Variants in SCYL3 observed in about 807,000 individuals in gnomAD.
SCYL3 encodes the protein protein-associating with the carboxyl-terminal domain of ezrin.
A neutral mutation model predicts 73.8 loss-of-function variants in SCYL3; 35 were observed. That is an observed-to-expected ratio of 0.47 (90% CI 0.36 to 0.63). SCYL3 has a LOEUF of 0.63. SCYL3 is among the 20% of genes least tolerant of loss of function. The pLI is 0.00. For missense variants in SCYL3, 712 were observed against 798.9 expected (o/e 0.89, Z 1.31); for synonymous variants, 277 against 295.2 (o/e 0.94, Z 0.63).
At chr1:169,859,364 G>A in intron 10 of SCYL3, 152 bp from the exon 11 acceptor site, 1 of 633,932 alleles carries the variant, frequency 1.6e-6, no homozygotes, top group Non-Finnish European at 2.5e-6. Context: ...CAAACTACCT[G>A]TGGTAAAAGA....
At chr1:169,886,318 A>G (rs1661686982) in intron 2 of SCYL3, among the ~76,000 whole-genome samples, 1 of 152,222 alleles carries the variant, frequency 6.6e-6, no homozygotes, top group Admixed American at 6.5e-5. Context: ...CTCAAAAAAA[A>G]AAGTCAGTAT....
At chr1:169,890,437 T>G (rs1176558824) in intron 1 of SCYL3, among the ~76,000 whole-genome samples, 1 of 152,228 alleles carries the variant, frequency 6.6e-6, no homozygotes, top group East Asian at 1.9e-4. Flanking sequence ...CTTTAAAAAT[T>G]TGTTTAAAAT....
At chr1:169,855,555 G>A (rs896132448) in intron 11 of SCYL3, among the ~76,000 whole-genome samples, 3 of 152,152 alleles carry the variant, frequency 2.0e-5, no homozygotes, top group Non-Finnish European at 4.4e-5. Flanking sequence ...GGCAACAAAA[G>A]TCTCAAAGTA....
At chr1:169,860,771 C>T (rs1333111875) in intron 10 of SCYL3, among the ~76,000 whole-genome samples, 2 of 152,222 alleles carry the variant, frequency 1.3e-5, no homozygotes, top group Non-Finnish European at 2.9e-5. Flanking sequence ...ACTACCCCTT[C>T]TGTGTCCCTC....
intron 2 of SCYL3, among the ~76,000 whole-genome samples, chr1:169,880,715 T>C (rs919590305): frequency 6.7e-6 from 1 of 150,276 alleles, no homozygotes; most frequent in Admixed American, 6.6e-5. Flanking sequence ...TCAGGAATGA[T>C]GGAACAGCAT....
chr1:169,877,082 T>G (rs949270202), intron 3 of SCYL3, among the ~76,000 whole-genome samples: 1 of 150,658 alleles, frequency 6.6e-6, no homozygotes, highest in Non-Finnish European at 1.5e-5. Context: ...AAGAACAGGA[T>G]TCAGGTATTT....
intron 2 of SCYL3, among the ~76,000 whole-genome samples, chr1:169,882,896 G>A (rs1277847749): frequency 6.6e-6 from 1 of 152,156 alleles, no homozygotes; most frequent in Non-Finnish European, 1.5e-5. Flanking sequence ...CAGGATGTGG[G>A]TCGGGCCGGA....
At chr1:169,873,784 T>G in intron 4 of SCYL3, 32 bp from the exon 5 acceptor site, 1 of 1,494,908 alleles carries the variant, frequency 6.7e-7, no homozygotes, top group Non-Finnish European at 9.3e-7. Context: ...AGAAAATGAT[T>G]CATACATATG....
chr1:169,860,601 A>G (rs1436802445), intron 10 of SCYL3, among the ~76,000 whole-genome samples: 1 of 152,254 alleles, frequency 6.6e-6, no homozygotes, highest in Non-Finnish European at 1.5e-5. Context: ...TATTAGGACC[A>G]ATGCTAACAG....
Position 169,862,667 on chromosome 1 carries a change from C to T in SCYL3, c.1086G>A (p.Glu362=). 6.2e-7 allele frequency: 1 copy of T among 1,614,148 alleles called. No homozygotes were observed. Among genetic ancestry groups the T allele is most frequent in the East Asian group, 2.2e-5 (1 of 44,876 alleles). Residue 362 remains glutamate (E), a synonymous_variant, in exon 10 of 13, where the codon GAG becomes GAA. Transcript: ENST00000367771. ...CCTGAGTGAAGTGCTCCACGTAGGC[C>T]TCGATGTGAGACAGCAGCACCATCC... The part of the protein sequence containing the change: ...HVRMVLLSHI[E]AYVEHFTQEQ...
At chr1:169,872,192 C>A (rs1660453339) in intron 5 of SCYL3, among the ~76,000 whole-genome samples, 2 of 152,238 alleles carry the variant, frequency 1.3e-5, no homozygotes, top group Non-Finnish European at 2.9e-5. Context: ...CCAGGGTCCC[C>A]ATGCTGTGTG....
In SCYL3 at chr1:169,853,474, T is replaced by C; in HGVS notation, c.*239A>G. 2.1e-6 allele frequency: 1 copy of C among 475,198 alleles called. No homozygotes were observed. The highest frequency in any genetic ancestry group is 3.8e-5 in the Admixed American group (1 of 26,270). 29.4% of individuals were successfully genotyped at this position (475,198 alleles called of 1,614,324 possible). A position where few individuals can be genotyped will look rare whatever the true frequency, so the allele number is the denominator to read the frequency against. The stretch of plus-strand genomic sequence containing the variant: ...TGCTCTTCATAGAAACTGGCCTCAG[T>C]CAAATGCACAAAGGCTCTTCCTCCT... On this transcript the variant is annotated 3_prime_UTR_variant, in exon 13 of 13. Coordinates refer to ENST00000367771, the MANE Select transcript of SCYL3 (RefSeq NM_020423.7).
chr1:169,879,905 T>C (rs1661126571), intron 2 of SCYL3, among the ~76,000 whole-genome samples: 1 of 152,154 alleles, frequency 6.6e-6, no homozygotes, highest in Non-Finnish European at 1.5e-5. Context: ...ACAGAATGAA[T>C]ATGACAGAAT....
intron 11 of SCYL3, among the ~76,000 whole-genome samples, chr1:169,855,374 A>G (rs10489171): frequency 0.033 from 4,993 of 152,274 alleles, 254 homozygotes; most frequent in East Asian, 0.22. Context: ...TCACTTTAAG[A>G]AATTTCCCTA....
Position 169,853,585 on chromosome 1 carries a change from T to C in SCYL3, c.*128A>G, listed in dbSNP as rs1658709394. The C allele has an allele frequency of 1.1e-6, 1 of 940,810 alleles. No individual in the cohort carries two copies. Among genetic ancestry groups the C allele is most frequent in the East Asian group, 2.4e-5 (1 of 41,540 alleles). 58.3% of individuals were successfully genotyped at this position (940,810 alleles called of 1,614,324 possible). ...CCTACTTCAGTTGGCACAGACTGGA[T>C]AATGAGCTCCTGGGATGGGAAAAGC... On this transcript the variant is annotated 3_prime_UTR_variant, in exon 13 of 13. Coordinates refer to ENST00000367771, the MANE Select transcript of SCYL3 (RefSeq NM_020423.7).
At chr1:169,861,688 CAG>C (rs1659662970) in intron 10 of SCYL3, among the ~76,000 whole-genome samples, 2 of 152,194 alleles carry the variant, frequency 1.3e-5, no homozygotes, top group East Asian at 1.9e-4. Flanking sequence ...TCCTTGAAAG[CAG>C]AGAGAATGTT....
rs1658646919 is a variant in SCYL3, at chr1:169,853,193, T to G, written c.*520A>C. 1 of 587,826 alleles carries G rather than the reference T, an allele frequency of 1.7e-6. No individual in the cohort carries two copies. The highest frequency in any genetic ancestry group is 1.9e-5 in the African/African-American group (1 of 53,586). The allele number at this position is 587,826 out of a possible 1,614,324, so 36.4% of individuals were successfully genotyped here. On this transcript the variant is annotated 3_prime_UTR_variant, in exon 13 of 13. Transcript: ENST00000367771. ...TACTACATGTGGAACAGTCAGGAAC[T>G]GCCTAGGTCCACAAAGAACCATTTA...
Position 169,849,944 on chromosome 1 carries a change from T to C in SCYL3, c.*3769A>G, listed in dbSNP as rs1331444588. On this transcript the variant is annotated 3_prime_UTR_variant, in exon 13 of 13. Coordinates refer to ENST00000367771, the MANE Select transcript of SCYL3 (RefSeq NM_020423.7). ...GTGCTATCAGTCATAAGGGTTAGGC[T>C]GATGAACCTAAACCTGTAAGATGGG... The C allele has an allele frequency of 2.1e-6, 1 of 465,712 alleles. No individual in the cohort carries two copies. The highest frequency in any genetic ancestry group is 3.7e-5 in the Admixed American group (1 of 27,050). 28.8% of individuals were successfully genotyped at this position (465,712 alleles called of 1,614,324 possible).
At position 169,852,649 on chromosome 1, in the gene SCYL3, T is replaced by C; in HGVS notation, c.*1064A>G. ...TTACATATTTTTCTAGATGACTGTG[T>C]AGGGGTTTTGGGGTGCATCCTCCTA... On this transcript the variant is annotated 3_prime_UTR_variant, in exon 13 of 13. Transcript: ENST00000367771. 3 of 779,670 alleles carry C rather than the reference T, an allele frequency of 3.8e-6. No homozygotes were observed. The East Asian group carries it at 7.8e-5, about 20-fold the overall frequency. 48.3% of individuals were successfully genotyped at this position (779,670 alleles called of 1,614,324 possible).
Sources: gnomAD v4.1 joint callset for allele counts (sites outside exome capture counted in the v4.1 genomes callset) on GRCh38, gnomAD v4.1.1 for gene constraint, MANE v1.5 for transcripts, NCBI Gene and HGNC (gene_info 2026-07-23, HGNC 2026-07-21) for gene names.